The following EXT1 variants were observed in gnomAD, a reference collection of about 807,000 sequenced individuals.
The protein encoded by EXT1 is exostosin glycosyltransferase 1, also known as exostosin-1.
EXT1 carries 20 observed loss-of-function variants against 82.5 expected under a neutral mutation model. That is an observed-to-expected ratio of 0.24 (90% CI 0.17 to 0.35). EXT1 has a LOEUF of 0.35. Ranked by LOEUF, EXT1 falls within the 10% of genes least tolerant of loss-of-function variation. The pLI, the probability that EXT1 is intolerant of heterozygous loss-of-function variation, is 1.00. For synonymous variants in EXT1, 348 were observed against 350.8 expected (o/e 0.99, Z 0.09); for missense variants, 757 against 936.5 (o/e 0.81, Z 2.50).
At chr8:117,899,568 A>G (rs892817233) in intron 1 of EXT1, among the ~76,000 whole-genome samples, 2 of 152,172 alleles carry the variant, frequency 1.3e-5, no homozygotes, top group African/African-American at 4.8e-5. Context: ...TGCTTTCGGA[A>G]CGATCAGCTG....
intron 1 of EXT1, among the ~76,000 whole-genome samples, chr8:117,904,842 G>GAA (rs58693626): frequency 8.3e-5 from 12 of 145,358 alleles, no homozygotes; most frequent in Non-Finnish European, 4.6e-5. Flanking sequence ...AGAGAAATTG[G>GAA]AAAAAAAAAA....
chr8:117,897,817 G>A, intron 1 of EXT1, among the ~76,000 whole-genome samples: 1 of 151,700 alleles, frequency 6.6e-6, no homozygotes, highest in East Asian at 1.9e-4. Context: ...TGCCCAGGCT[G>A]GTTTTGAACT....
chr8:117,963,458 G>A (rs1211444885), intron 1 of EXT1, among the ~76,000 whole-genome samples: 5 of 151,946 alleles, frequency 3.3e-5, no homozygotes, highest in Non-Finnish European at 7.4e-5. Flanking sequence ...TTCTCTATTC[G>A]AGTTTTGTTG....
intron 1 of EXT1, among the ~76,000 whole-genome samples, chr8:117,858,131 G>A (rs564865141): frequency 2.0e-5 from 3 of 152,330 alleles, no homozygotes; most frequent in Admixed American, 6.5e-5. Flanking sequence ...ATCTACTCCT[G>A]ATGAAGATGC....
intron 1 of EXT1, among the ~76,000 whole-genome samples, chr8:117,936,378 G>A (rs1814163099): frequency 6.6e-6 from 1 of 152,186 alleles, no homozygotes; most frequent in Admixed American, 6.5e-5. Context: ...AGAAGTGTGA[G>A]TGCAGCTGCC....
intron 1 of EXT1, among the ~76,000 whole-genome samples, chr8:118,104,858 T>C (rs932001496): frequency 6.6e-6 from 1 of 152,224 alleles, no homozygotes; most frequent in Non-Finnish European, 1.5e-5. Flanking sequence ...ACATGAAACA[T>C]GTCCAGAAGC....
chr8:117,951,479 T>C (rs756664532), intron 1 of EXT1, among the ~76,000 whole-genome samples: 2 of 152,228 alleles, frequency 1.3e-5, no homozygotes, highest in Non-Finnish European at 2.9e-5. Context: ...TATTCATTCA[T>C]ACATTCATAC....
intron 1 of EXT1, among the ~76,000 whole-genome samples, chr8:118,002,902 G>C (rs1815701772): frequency 6.6e-6 from 1 of 152,076 alleles, no homozygotes; most frequent in Non-Finnish European, 1.5e-5. Flanking sequence ...CAGAGGAAAA[G>C]AAGTCGTATG....
chr8:117,914,651 A>T (rs541767062), intron 1 of EXT1, among the ~76,000 whole-genome samples: 3 of 152,278 alleles, frequency 2.0e-5, no homozygotes, highest in African/African-American at 7.2e-5. Flanking sequence ...TGTCTATCTT[A>T]TGCGGTTGAG....
chr8:117,795,541 A>T lies in EXT1; in HGVS notation c.*4171T>A, dbSNP rs1201634942. The T allele has an allele frequency of 6.6e-6, 1 of 150,508 alleles. No individual in the cohort carries two copies. Among genetic ancestry groups the T allele is most frequent in the African/African-American group, 2.5e-5 (1 of 40,768 alleles). 9.3% of individuals were successfully genotyped at this position (150,508 alleles called of 1,614,324 possible). On this transcript the variant is annotated 3_prime_UTR_variant, in exon 11 of 11. Transcript: ENST00000378204. ...GCCAGGCGCAGTGGCTTACACCTGTAATCTCAGCACTTTGGGAGGCAGAGG... is the reference window on the plus strand; with the variant it reads ...GCCAGGCGCAGTGGCTTACACCTGTTATCTCAGCACTTTGGGAGGCAGAGG...
intron 1 of EXT1, among the ~76,000 whole-genome samples, chr8:117,935,183 A>T (rs906205734): frequency 1.3e-5 from 2 of 152,136 alleles, no homozygotes; most frequent in African/African-American, 4.8e-5. Context: ...TGGGCTCTCA[A>T]GAAACAACAC....
chr8:118,068,740 A>C (rs1251428354), intron 1 of EXT1, among the ~76,000 whole-genome samples: 5 of 152,198 alleles, frequency 3.3e-5, no homozygotes, highest in Non-Finnish European at 7.3e-5. Context: ...TTCCAAGTAC[A>C]CCTGCCTGAT....
intron 1 of EXT1, among the ~76,000 whole-genome samples, chr8:117,929,364 C>T (rs1386340607): frequency 1.3e-5 from 2 of 152,188 alleles, no homozygotes; most frequent in Non-Finnish European, 2.9e-5. Context: ...TTCCTCCTCA[C>T]TCTGGCACAA....
At chr8:117,847,789 C>T (rs1196588139) in intron 1 of EXT1, among the ~76,000 whole-genome samples, 2 of 152,204 alleles carry the variant, frequency 1.3e-5, no homozygotes, top group Non-Finnish European at 2.9e-5. Flanking sequence ...CTGTTCTCAC[C>T]CCCAGGGCAG....
intron 1 of EXT1, among the ~76,000 whole-genome samples, chr8:117,995,719 C>A (rs11562771): frequency 4.1e-4 from 62 of 152,264 alleles, no homozygotes; most frequent in African/African-American, 1.4e-3. Flanking sequence ...TTCAAAGATG[C>A]CCCTATGTGT....
intron 1 of EXT1, among the ~76,000 whole-genome samples, chr8:118,069,711 T>C (rs547893633): frequency 6.6e-6 from 1 of 152,290 alleles, no homozygotes; most frequent in Middle Eastern, 3.4e-3. Context: ...GTCGTAGGCA[T>C]TGGCTTGGGT....
chr8:117,849,958 G>A (rs976951223), intron 1 of EXT1, among the ~76,000 whole-genome samples: 2 of 152,214 alleles, frequency 1.3e-5, no homozygotes, highest in African/African-American at 4.8e-5. Context: ...ATCTGGAATA[G>A]CTAATTTGTT....
intron 1 of EXT1, 141 bp downstream of exon 1, chr8:118,109,944 G>T: frequency 7.4e-7 from 1 of 1,353,180 alleles, no homozygotes; most frequent in Non-Finnish European, 1.0e-6. Context: ...CACCCGAACC[G>T]GATTTGCTCA....
At chr8:117,807,088 A>G (rs1343591973) in intron 9 of EXT1, 129 bp downstream of exon 9, 2 of 1,129,120 alleles carry the variant, frequency 1.8e-6, no homozygotes, top group Non-Finnish European at 2.7e-6. Context: ...ACATCAGCAA[A>G]ACTTAAGCGG....
Sources: allele counts gnomAD v4.1 joint callset (sites outside exome capture counted in the v4.1 genomes callset), GRCh38; gene constraint gnomAD v4.1.1; transcripts MANE v1.5; gene names NCBI Gene and HGNC (gene_info 2026-07-23, HGNC 2026-07-21).